The following ATG16L2 variants were observed in gnomAD, a reference collection of about 807,000 sequenced individuals.
ATG16L2 encodes the protein protein Atg16l2.
In ATG16L2, 77 loss-of-function variants were observed where a neutral mutation model predicts 84.7. The ratio of observed to expected loss-of-function variants is 0.91; its 90% CI spans 0.76 to 1.10. ATG16L2 has a LOEUF of 1.10. ATG16L2 is among the 50% of genes least tolerant of loss of function. The pLI, the probability that ATG16L2 is intolerant of heterozygous loss-of-function variation, is 0.00. For synonymous variants in ATG16L2, 361 were observed against 342.8 expected, an observed-to-expected ratio of 1.05 and a Z score of -0.59; for missense variants, 782 against 817.6, an observed-to-expected ratio of 0.96 and a Z score of 0.53.
At chr11:72,831,635 C>T (rs1860609529), downstream of ATG16L2, among the ~76,000 whole-genome samples, 1 of 152,208 alleles carries the variant, frequency 6.6e-6, no homozygotes, top group African/African-American at 2.4e-5. Context: ...CCAGCAGCCA[C>T]CAGGGGTCAC....
chr11:72,816,851 CA>C, intron 2 of ATG16L2, 24 bp downstream of exon 2: 2 of 1,595,442 alleles, frequency 1.3e-6, no homozygotes, highest in Non-Finnish European at 1.7e-6. Flanking sequence ...GGTCCGTGGT[CA>C]CAAAGGGCTG....
At chr11:72,843,458 G>A (rs1861028991) in exon 6 of ATG16L2, 2 of 1,612,502 alleles carry the variant, frequency 1.2e-6, no homozygotes, top group East Asian at 2.2e-5. Flanking sequence ...CCTTTACCCA[G>A]TCTTCCATAT....
rs368086033 is a variant in ATG16L2, at chr11:72,826,749, A to G, written c.1292A>G (p.Lys431Arg). ...HKDKVTAAKF[K>R]LTRHQAVTGS... ...GATAAGGTGACAGCTGCCAAATTCA[A>G]GCTAACGAGGCACCAGGCAGTGACT... The change falls in exon 13 of 18, where the codon AAG becomes AGG. Residue 431 changes from lysine (K) to arginine (R), a missense_variant. Physicochemically the swap from Lys to Arg is conservative, Grantham distance 26. Transcript: ENST00000321297. 1 of 1,613,974 alleles carries G rather than the reference A, an allele frequency of 6.2e-7. No homozygotes were observed. Among genetic ancestry groups the G allele is most frequent in the African/African-American group, 1.3e-5 (1 of 74,906 alleles).
At chr11:72,834,145 A>C (rs1860666850), downstream of ATG16L2, among the ~76,000 whole-genome samples, 1 of 152,250 alleles carries the variant, frequency 6.6e-6, no homozygotes, top group Non-Finnish European at 1.5e-5. Context: ...TTGGGGATAA[A>C]TTACAATCCT....
chr11:72,828,715 C>T lies in ATG16L2; in HGVS notation c.1623-14C>T. Reference sequence around the variant, plus strand: ...GATGACCTCTGTTCTGACCCCAGCCCTGTCTGTCCTCAGGGCCGATGGCTT... The same window carrying T: ...GATGACCTCTGTTCTGACCCCAGCCTTGTCTGTCCTCAGGGCCGATGGCTT... On this transcript the variant is annotated splice_polypyrimidine_tract_variant and intron_variant, in intron 15 of 17. Transcript: ENST00000321297. The T allele has an allele frequency of 6.2e-7, 1 of 1,614,218 alleles. No homozygotes were observed. The highest frequency in any genetic ancestry group is 8.5e-7 in the Non-Finnish European group (1 of 1,180,036).
At chr11:72,826,850 T>C (rs1860393123) in intron 13 of ATG16L2, 27 bp downstream of exon 13, 1 of 1,608,386 alleles carries the variant, frequency 6.2e-7, no homozygotes, top group South Asian at 1.1e-5. Flanking sequence ...GCCCCACCTC[T>C]CCTCCCCACC....
intron 1 of ATG16L2, 44 bp downstream of exon 1, chr11:72,814,607 C>T: frequency 6.8e-7 from 1 of 1,472,674 alleles, no homozygotes; most frequent in Non-Finnish European, 9.2e-7. Context: ...TGAGGGGACG[C>T]GGCTACGGGC....
downstream of ATG16L2, chr11:72,829,677 C>T (rs537441992): frequency 2.4e-5 from 27 of 1,145,316 alleles, no homozygotes; most frequent in South Asian, 6.2e-4. Flanking sequence ...GGTACAGAGA[C>T]CTTTGGGCTA....
At chr11:72,841,463 A>T (rs1278133133) in intron 5 of ATG16L2, 1 of 1,610,276 alleles carries the variant, frequency 6.2e-7, no homozygotes, top group Non-Finnish European at 8.5e-7. Flanking sequence ...CCGTTTGCTG[A>T]AGGAGACCGG....
chr11:72,824,900 G>T (rs535065753), intron 9 of ATG16L2, 58 bp downstream of exon 9: 2 of 1,434,028 alleles, frequency 1.4e-6, no homozygotes, highest in African/African-American at 2.9e-5. Context: ...CAGGCACAGG[G>T]GTGGTCTCGG....
downstream of ATG16L2, among the ~76,000 whole-genome samples, chr11:72,833,352 G>A (rs1227264809): frequency 6.6e-6 from 1 of 152,196 alleles, no homozygotes; most frequent in Non-Finnish European, 1.5e-5. Flanking sequence ...CAGCTTATCT[G>A]TACATTACCC....
chr11:72,837,585 C>T (rs1860769662), intron 5 of ATG16L2: 1 of 152,212 alleles, frequency 6.6e-6, no homozygotes, highest in Non-Finnish European at 1.5e-5. Flanking sequence ...GCACCTGCTG[C>T]TGCAGGCTTG....
chr11:72,829,629 A>G lies in ATG16L2; in HGVS notation c.*239A>G. Reference sequence around the variant, plus strand: ...TTCTCCCAAAGTAGAAAAAAATGATATCTGAACTGCGTCTGCCTACCTCTT... The same window carrying G: ...TTCTCCCAAAGTAGAAAAAAATGATGTCTGAACTGCGTCTGCCTACCTCTT... On this transcript the variant is annotated 3_prime_UTR_variant, in exon 18 of 18. Coordinates refer to ENST00000321297, the MANE Select transcript of ATG16L2 (RefSeq NM_033388.2). The G allele has an allele frequency of 1.5e-6, 2 of 1,331,828 alleles. No individual in the cohort carries two copies. The highest frequency in any genetic ancestry group is 9.6e-7 in the Non-Finnish European group (1 of 1,038,878). 82.5% of individuals were successfully genotyped at this position (1,331,828 alleles called of 1,614,324 possible).
At chr11:72,833,586 CCT>C (rs948376479), downstream of ATG16L2, among the ~76,000 whole-genome samples, 4 of 152,108 alleles carry the variant, frequency 2.6e-5, no homozygotes, top group African/African-American at 9.7e-5. Flanking sequence ...GGCTGTGAGC[CCT>C]GTCCCTGGGT....
chr11:72,825,232 G>A (rs1565268185), intron 9 of ATG16L2, 70 bp from the exon 10 acceptor site: 1 of 1,213,606 alleles, frequency 8.2e-7, no homozygotes, highest in African/African-American at 1.5e-5. Flanking sequence ...GCACCGGTAA[G>A]AGGGCCCGTG....
intron 14 of ATG16L2, 139 bp downstream of exon 14, chr11:72,827,432 C>T: frequency 1.5e-6 from 1 of 680,468 alleles, no homozygotes. Flanking sequence ...GCACTGCCAG[C>T]TAGTGCCTCT....
intron 11 of ATG16L2, 71 bp downstream of exon 11, chr11:72,826,314 T>C: frequency 1.3e-6 from 2 of 1,547,200 alleles, no homozygotes; most frequent in Non-Finnish European, 1.8e-6. Flanking sequence ...GTGGGGGCTG[T>C]GGGACCTGAG....
chr11:72,822,747 C>A lies in ATG16L2; in HGVS notation c.711-101C>A, dbSNP rs1860087787. 1 of 1,069,776 alleles carries A rather than the reference C, an allele frequency of 9.3e-7. No individual in the cohort carries two copies. Among genetic ancestry groups the A allele is most frequent in the Admixed American group, 2.6e-5 (1 of 37,750 alleles). 66.3% of individuals were successfully genotyped at this position (1,069,776 alleles called of 1,614,324 possible). On this transcript the variant is annotated intron_variant, in intron 6 of 17. Coordinates refer to ENST00000321297, the MANE Select transcript of ATG16L2 (RefSeq NM_033388.2). This position sits in a 1 kb window ranked among gnomAD's most constrained non-coding sequence, Gnocchi z 4.2. ...GCTGCACGTGTACACCCACACAGAA[C>A]CCTCATCACTGGGAATTCCTGTCTT...
At chr11:72,815,648 G>T (rs1031682183) in intron 1 of ATG16L2, among the ~76,000 whole-genome samples, 5 of 152,134 alleles carry the variant, frequency 3.3e-5, no homozygotes, top group Non-Finnish European at 7.4e-5. Context: ...TTGTTAATTG[G>T]GTATAGAGAC....
Sources: gnomAD v4.1 joint callset for allele counts (sites outside exome capture counted in the v4.1 genomes callset) on GRCh38, gnomAD v4.1.1 for gene constraint, Gnocchi (gnomAD v3.1) non-coding constraint, MANE v1.5 for transcripts, NCBI Gene and HGNC (gene_info 2026-07-23, HGNC 2026-07-21) for gene names.